The following CBX1 variants were observed in gnomAD, a reference collection of about 807,000 sequenced individuals.
CBX1 encodes the protein chromobox protein homolog 1.
In CBX1, 10 loss-of-function variants were observed where a neutral mutation model predicts 25.1. The ratio of observed to expected loss-of-function variants is 0.40; its 90% CI spans 0.25 to 0.68. The LOEUF (loss-of-function observed/expected upper bound fraction) is 0.68. CBX1 is among the 30% of genes least tolerant of loss of function. The pLI, the probability that CBX1 is intolerant of heterozygous loss-of-function variation, is 0.40. For synonymous variants in CBX1, 63 were observed against 79.4 expected, an observed-to-expected ratio of 0.79 and a Z score of 1.10; for missense variants, 106 against 218.5, an observed-to-expected ratio of 0.49 and a Z score of 3.25.
intron 1 of CBX1, among the ~76,000 whole-genome samples, chr17:48,089,121 G>C (rs1415211575): frequency 7.9e-6 from 1 of 126,386 alleles, no homozygotes; most frequent in Non-Finnish European, 1.7e-5. Context: ...TTTTTTTTGA[G>C]ACAGAGTCTC....
At chr17:48,071,664 A>T (rs767277894) in intron 4 of CBX1, 85 bp from the exon 5 acceptor site, 35 of 1,203,032 alleles carry the variant, frequency 2.9e-5, no homozygotes, top group Non-Finnish European at 3.6e-5. Flanking sequence ...AGTGCTTTAA[A>T]AATGGTAATT....
intron 1 of CBX1, among the ~76,000 whole-genome samples, chr17:48,092,033 C>G (rs562985721): frequency 1.5e-5 from 2 of 134,898 alleles, no homozygotes; most frequent in African/African-American, 5.7e-5. Flanking sequence ...TCTTGTCACC[C>G]AGGCTGGAAT....
Position 48,101,411 on chromosome 17 carries a change from G to A in CBX1, c.-181C>T. 5.1e-6 allele frequency: 5 copies of A among 985,532 alleles called. No homozygotes were observed. Among genetic ancestry groups the A allele is most frequent in the Non-Finnish European group, 6.0e-6 (5 of 829,994 alleles). The allele number at this position is 985,532 out of a possible 1,614,324, so 61.0% of individuals were successfully genotyped here. ...CCCTCACTGAAGCGGCGTACCGCAGGCCCCGGCCAACGGCCCTCCCCTCAG... is the reference window on the plus strand; with the variant it reads ...CCCTCACTGAAGCGGCGTACCGCAGACCCCGGCCAACGGCCCTCCCCTCAG... On this transcript the variant is annotated 5_prime_UTR_variant, in exon 1 of 5. Coordinates refer to ENST00000225603, the MANE Select transcript of CBX1 (RefSeq NM_001127228.2).
At chr17:48,079,277 TG>T (rs2144437732) in intron 1 of CBX1, among the ~76,000 whole-genome samples, 1 of 151,608 alleles carries the variant, frequency 6.6e-6, no homozygotes, top group East Asian at 2.0e-4. Flanking sequence ...AGCTAGTTTT[TG>T]TTTTTTTAGT....
intron 1 of CBX1, among the ~76,000 whole-genome samples, chr17:48,089,345 C>T (rs1339988391): frequency 1.3e-5 from 2 of 150,728 alleles, no homozygotes; most frequent in East Asian, 4.1e-4. Context: ...TCGTGATCCG[C>T]CCATCTCGGC....
At chr17:48,085,225 A>AGAAT (rs765305648) in intron 1 of CBX1, among the ~76,000 whole-genome samples, 2 of 152,196 alleles carry the variant, frequency 1.3e-5, no homozygotes, top group Non-Finnish European at 2.9e-5. Context: ...TATCTCATTT[A>AGAAT]ATCTTCAAAA....
At position 48,101,372 on chromosome 17, in the gene CBX1, G is replaced by GGCC; in HGVS notation, c.-145_-143dup. On this transcript the variant is annotated 5_prime_UTR_variant, in exon 1 of 5. Coordinates refer to ENST00000225603, the MANE Select transcript of CBX1 (RefSeq NM_001127228.2). ...CGCCCAGGAAGGCAGCAAGCCGGGT[G>GGCC]GCCGCAGTGGCGTCCCTCACTGAAG... 1.1e-5 allele frequency: 11 copies of GGCC among 985,826 alleles called. No individual in the cohort carries two copies. The highest frequency in any genetic ancestry group is 1.3e-5 in the Non-Finnish European group (11 of 830,114). 61.1% of individuals were successfully genotyped at this position (985,826 alleles called of 1,614,324 possible).
intron 1 of CBX1, among the ~76,000 whole-genome samples, chr17:48,083,270 A>C (rs2037756231): frequency 6.6e-6 from 1 of 150,398 alleles, no homozygotes; most frequent in Admixed American, 6.6e-5. Context: ...TCAGCCTCCC[A>C]AAGTGCTGGG....
intron 1 of CBX1, among the ~76,000 whole-genome samples, chr17:48,091,561 G>A (rs908124945): frequency 1.3e-4 from 5 of 38,618 alleles, no homozygotes; most frequent in African/African-American, 6.5e-4. Context: ...TTTTTTTTTT[G>A]AGACAGAGTC....
rs151189223 is a variant in CBX1, at chr17:48,085,103, T to A, written c.-37-8062A>T. On this transcript the variant is annotated intron_variant, in intron 1 of 4. Transcript: ENST00000225603. ...ATATTGTAAACAAAGAAATCTAGCA[T>A]TGCCATAATTTTTACCTAAACATTT... Among the ~76,000 whole-genome samples, 6 of 152,180 alleles carry A rather than the reference T, an allele frequency of 3.9e-5. No individual in the cohort carries two copies. The South Asian group carries it at 1.0e-3, about 26-fold the overall frequency.
chr17:48,090,697 G>C (rs904379473), intron 1 of CBX1, among the ~76,000 whole-genome samples: 1 of 152,142 alleles, frequency 6.6e-6, no homozygotes, highest in Non-Finnish European at 1.5e-5. Context: ...ATTACCTTGC[G>C]CTTTGCCCAA....
intron 4 of CBX1, among the ~76,000 whole-genome samples, chr17:48,073,824 C>CAGAAAAAAAAAA (rs2037649090): frequency 1.2e-5 from 1 of 82,500 alleles, no homozygotes; most frequent in Non-Finnish European, 2.2e-5. Flanking sequence ...GAGACTGTCT[C>CAGAAAAAAAAAA]AAAAAAAAAA....
intron 1 of CBX1, among the ~76,000 whole-genome samples, chr17:48,099,433 T>C (rs1274116018): frequency 6.6e-6 from 1 of 151,986 alleles, no homozygotes; most frequent in Non-Finnish European, 1.5e-5. Flanking sequence ...TGAGAAACAA[T>C]TTAGGATACA....
chr17:48,093,510 T>C (rs1437451895), intron 1 of CBX1, among the ~76,000 whole-genome samples: 1 of 152,216 alleles, frequency 6.6e-6, no homozygotes, highest in East Asian at 1.9e-4. Context: ...CAGGCTTTAC[T>C]AGCATTTGAA....
intron 1 of CBX1, among the ~76,000 whole-genome samples, chr17:48,083,887 T>C (rs1184980864): frequency 2.0e-5 from 3 of 150,644 alleles, no homozygotes; most frequent in Non-Finnish European, 4.4e-5. Flanking sequence ...AGTAGAACCA[T>C]GTAGTTCAAC....
At chr17:48,099,653 C>G (rs1216735641) in intron 1 of CBX1, among the ~76,000 whole-genome samples, 1 of 152,150 alleles carries the variant, frequency 6.6e-6, no homozygotes, top group African/African-American at 2.4e-5. Flanking sequence ...AAGCCTTGGA[C>G]CTTTCACAAT....
At chr17:48,100,938 C>T (rs938657265) in intron 1 of CBX1, 4 of 986,314 alleles carry the variant, frequency 4.1e-6, no homozygotes, top group African/African-American at 1.7e-5. Context: ...TCCCCTTCCG[C>T]CCTATCCCGC....
rs954842397 is a variant in CBX1 at position 48,084,859 on chromosome 17, G to T, written c.-37-7818C>A. On this transcript the variant is annotated intron_variant, in intron 1 of 4. Transcript: ENST00000225603. ...CAGGAGACGGAGCTTGCAGTGAGCC[G>T]AGATCGCGCCACTGCACTCCAGCCT... Among the ~76,000 whole-genome samples the T allele has an allele frequency of 1.3e-5, 2 of 150,826 alleles. 1 individual carries two copies. The highest frequency in any genetic ancestry group is 5.0e-5 in the African/African-American group (2 of 40,382).
chr17:48,074,773 T>C (rs2037658717), intron 4 of CBX1, among the ~76,000 whole-genome samples: 1 of 152,178 alleles, frequency 6.6e-6, no homozygotes, highest in Non-Finnish European at 1.5e-5. Flanking sequence ...CACTCTAGAT[T>C]GTCTCCCACC....
Sources: gnomAD v4.1 joint callset for allele counts (sites outside exome capture counted in the v4.1 genomes callset) on GRCh38, gnomAD v4.1.1 for gene constraint, MANE v1.5 for transcripts, NCBI Gene and HGNC (gene_info 2026-07-23, HGNC 2026-07-21) for gene names.